MAD1L1: variants seen among roughly 807,000 people sequenced by gnomAD.
MAD1L1 encodes the protein mitotic spindle assembly checkpoint protein MAD1.
MAD1L1 carries 95 observed loss-of-function variants against 96.9 expected under a neutral mutation model. The ratio of observed to expected loss-of-function variants is 0.98; its 90% CI spans 0.83 to 1.16. MAD1L1 has a LOEUF of 1.16. MAD1L1 is among the 50% of genes most tolerant of loss of function. The probability of loss-of-function intolerance (pLI) is 0.00; values close to 1 mark genes in which losing one functional copy is unlikely to be tolerated. For missense variants in MAD1L1, 1,007 were observed against 954.4 expected (o/e 1.06, Z -0.73); for synonymous variants, 473 against 396.6 (o/e 1.19, Z -2.29).
chr7:1,828,984 C>G (rs576178595), intron 18 of MAD1L1, among the ~76,000 whole-genome samples: 1 of 152,176 alleles, frequency 6.6e-6, no homozygotes, highest in African/African-American at 2.4e-5. Flanking sequence ...ATCAGTGAAG[C>G]TGCAGATACA....
chr7:2,134,307 C>G (rs1788652332), intron 11 of MAD1L1, among the ~76,000 whole-genome samples: 1 of 152,166 alleles, frequency 6.6e-6, no homozygotes, highest in African/African-American at 2.4e-5. Flanking sequence ...GTTGCTGGTA[C>G]ACAGGAAAGC....
At chr7:1,944,669 T>C (rs993287264) in intron 16 of MAD1L1, among the ~76,000 whole-genome samples, 4 of 152,060 alleles carry the variant, frequency 2.6e-5, no homozygotes. Flanking sequence ...AAGACCCTCC[T>C]CCTCCACAGC....
intron 10 of MAD1L1, among the ~76,000 whole-genome samples, chr7:2,160,598 G>A (rs1790057550): frequency 1.3e-5 from 2 of 151,812 alleles, no homozygotes; most frequent in Admixed American, 1.3e-4. Flanking sequence ...CTCCCAAAGT[G>A]CTGGGATTAC....
chr7:2,087,990 C>T (rs986176587), intron 11 of MAD1L1, among the ~76,000 whole-genome samples: 2 of 152,214 alleles, frequency 1.3e-5, no homozygotes, highest in Admixed American at 6.5e-5. Flanking sequence ...GCTGCCACTT[C>T]CCCTCTCACA....
intron 11 of MAD1L1, among the ~76,000 whole-genome samples, chr7:2,097,303 T>TGTAAAAA (rs1786543634): frequency 6.6e-6 from 1 of 152,116 alleles, no homozygotes; most frequent in Admixed American, 6.5e-5. Flanking sequence ...CAAGAGGAGA[T>TGTAAAAA]GACCGCTAAG....
chr7:2,037,743 T>G (rs1290253463), intron 12 of MAD1L1, among the ~76,000 whole-genome samples: 1 of 152,174 alleles, frequency 6.6e-6, no homozygotes, highest in Admixed American at 6.5e-5. Flanking sequence ...GCTGCTTGTG[T>G]CTGGCTGCTT....
chr7:1,821,561 A>T (rs1351524708), intron 18 of MAD1L1, among the ~76,000 whole-genome samples: 4 of 152,158 alleles, frequency 2.6e-5, no homozygotes, highest in Non-Finnish European at 5.9e-5. Flanking sequence ...GAATCCAGCA[A>T]CACACGAAAA....
intron 14 of MAD1L1, among the ~76,000 whole-genome samples, chr7:1,998,947 C>T (rs57218849): frequency 0.033 from 4,862 of 148,244 alleles, 119 homozygotes; most frequent in East Asian, 0.068. Flanking sequence ...CCACAGAGTC[C>T]CCTAACCCCA....
At chr7:2,010,536 G>C (rs562472366) in intron 13 of MAD1L1, among the ~76,000 whole-genome samples, 1 of 152,160 alleles carries the variant, frequency 6.6e-6, no homozygotes, top group Non-Finnish European at 1.5e-5. Context: ...CACATGCTAC[G>C]GGCTCCCGCA....
At chr7:2,106,901 A>G (rs1787130113) in intron 11 of MAD1L1, among the ~76,000 whole-genome samples, 1 of 152,208 alleles carries the variant, frequency 6.6e-6, no homozygotes, top group African/African-American at 2.4e-5. Context: ...AGCTGAGTGC[A>G]GACCTGGGCA....
At chr7:2,066,883 CA>C (rs1784899584) in intron 12 of MAD1L1, among the ~76,000 whole-genome samples, 1 of 152,228 alleles carries the variant, frequency 6.6e-6, no homozygotes, top group South Asian at 2.1e-4. Flanking sequence ...CGTGACCTGT[CA>C]AGGGAACTCT....
intron 10 of MAD1L1, among the ~76,000 whole-genome samples, chr7:2,204,909 G>A (rs1792511292): frequency 1.3e-5 from 2 of 152,200 alleles, no homozygotes; most frequent in South Asian, 4.1e-4. Flanking sequence ...AACAGGCCTG[G>A]CTGCTCTGCA....
At chr7:2,029,563 A>T (rs1783127973) in intron 12 of MAD1L1, among the ~76,000 whole-genome samples, 1 of 152,168 alleles carries the variant, frequency 6.6e-6, no homozygotes, top group South Asian at 2.1e-4. Context: ...TAAAAAGATT[A>T]AAAGGCAGTA....
chr7:2,222,760 A>G lies in MAD1L1; in HGVS notation c.292-6T>C, dbSNP rs564852108. ...TGGTTGCGGTCGACCTCACGCTGTT[A>G]AGAGAGCAAGAGTCAGATGCCACGT... On this transcript the variant is annotated splice_polypyrimidine_tract_variant and splice_region_variant and intron_variant, in intron 4 of 18. Transcript: ENST00000265854. 7 of 1,579,086 alleles carry G rather than the reference A, an allele frequency of 4.4e-6. No homozygotes were observed. The African/African-American group carries it at 9.4e-5, about 21-fold the overall frequency.
intron 12 of MAD1L1, among the ~76,000 whole-genome samples, chr7:2,057,681 CCA>C (rs1389414949): frequency 1.6e-4 from 24 of 152,284 alleles, no homozygotes; most frequent in African/African-American, 5.5e-4. Flanking sequence ...CTTTCTAAAT[CCA>C]CAGAGAATAT....
chr7:1,936,737 G>T lies in MAD1L1; in HGVS notation c.1757C>A (p.Ala586Asp). ...RAMERGGTVP[A>D]DLEAAAASLP... ...ACTCGCGGCGGCAGCCTCAAGGTCG[G>T]CTGGGACGGTGCCTCCTCTCTCCAT... Residue 586 changes from alanine to aspartate, a missense_variant, in exon 17 of 19, where the codon GCC becomes GAC. Transcript: ENST00000265854. 1 of 1,564,288 alleles carries T rather than the reference G, an allele frequency of 6.4e-7. No individual in the cohort carries two copies.
rs890844450 is a variant in MAD1L1, at chr7:1,838,921, A to T, written c.1999-22693T>A. Reference sequence around the variant, plus strand: ...CCCTGGGGCGGGGAGGAGGCTGGGGACAAGGACAGAGTGTGCAAAGACACG... The same window carrying T: ...CCCTGGGGCGGGGAGGAGGCTGGGGTCAAGGACAGAGTGTGCAAAGACACG... On this transcript the variant is annotated intron_variant, in intron 18 of 18. Coordinates refer to ENST00000265854, the MANE Select transcript of MAD1L1 (RefSeq NM_001013836.2). 6.5e-6 allele frequency: 3 copies of T among 459,828 alleles called. No homozygotes were observed. In the Admixed American group the frequency reaches 7.2e-5, roughly 11 times the overall value. 28.5% of individuals were successfully genotyped at this position (459,828 alleles called of 1,614,324 possible).
chr7:2,001,800 C>A (rs549096586), intron 14 of MAD1L1, among the ~76,000 whole-genome samples: 3 of 152,194 alleles, frequency 2.0e-5, no homozygotes, highest in South Asian at 2.1e-4. Flanking sequence ...TGGCCTCATG[C>A]GGCAAACATG....
chr7:2,028,985 A>G (rs1783102679), intron 12 of MAD1L1, among the ~76,000 whole-genome samples: 1 of 152,220 alleles, frequency 6.6e-6, no homozygotes, highest in Admixed American at 6.5e-5. Context: ...ACAGGAGTGA[A>G]ACCCTGGAAC....
Sources: allele counts gnomAD v4.1 joint callset (sites outside exome capture counted in the v4.1 genomes callset), GRCh38; gene constraint gnomAD v4.1.1; transcripts MANE v1.5; gene names NCBI Gene and HGNC (gene_info 2026-07-23, HGNC 2026-07-21).